NBEA: variants seen among roughly 807,000 people sequenced by gnomAD.
NBEA encodes the protein lysosomal-trafficking regulator 2.
NBEA carries 44 observed loss-of-function variants against 343.4 expected under a neutral mutation model. That is an observed-to-expected ratio of 0.13 (90% CI 0.10 to 0.16). The LOEUF is 0.16. Among genes scored for constraint, NBEA ranks in the 10% least tolerant of loss-of-function variants. NBEA has a pLI of 1.00. For synonymous variants in NBEA, 1,175 were observed against 1,238.7 expected (o/e 0.95, Z 1.08); for missense variants, 2,555 against 3,631.3 (o/e 0.70, Z 7.62).
intron 41 of NBEA, chr13:35,475,961 C>T: frequency 6.2e-7 from 1 of 1,614,186 alleles, no homozygotes; most frequent in Non-Finnish European, 8.5e-7. Context: ...TAGCGATTGT[C>T]CATCTCGTTG....
At chr13:35,607,068 C>T (rs1296951171) in intron 48 of NBEA, among the ~76,000 whole-genome samples, 2 of 152,008 alleles carry the variant, frequency 1.3e-5, no homozygotes, top group South Asian at 2.1e-4. Context: ...TTTTGTTTTA[C>T]AGACAGTGTT....
At chr13:34,947,033 C>G (rs1050532536) in intron 1 of NBEA, among the ~76,000 whole-genome samples, 1 of 151,556 alleles carries the variant, frequency 6.6e-6, no homozygotes, top group Non-Finnish European at 1.5e-5. Context: ...CATGGAGGTC[C>G]TTAATACTAA....
At chr13:35,222,363 C>G (rs1461085919) in intron 33 of NBEA, among the ~76,000 whole-genome samples, 1 of 151,692 alleles carries the variant, frequency 6.6e-6, no homozygotes, top group Non-Finnish European at 1.5e-5. Context: ...TAAAGCAGTT[C>G]TGCTTTTTAA....
At chr13:35,174,772 A>G (rs1379678652) in intron 27 of NBEA, among the ~76,000 whole-genome samples, 1 of 151,926 alleles carries the variant, frequency 6.6e-6, no homozygotes, top group Non-Finnish European at 1.5e-5. Flanking sequence ...TCTATGTGTT[A>G]TAGATCTTTG....
rs540241128 is a variant in NBEA at position 35,481,186 on chromosome 13, G to A, written c.6585+8650G>A. Among the ~76,000 whole-genome samples, 7 of 151,932 alleles carry A rather than the reference G, an allele frequency of 4.6e-5. No individual in the cohort carries two copies. The South Asian group carries it at 8.3e-4, about 18-fold the overall frequency. The stretch of plus-strand genomic sequence containing the variant: ...GTGAAGAGTACTTTTTTTCTCTACA[G>A]TGTTGCTTAATAAGCTTGATATTGG... On this transcript the variant is annotated intron_variant, in intron 41 of 58. Coordinates refer to ENST00000379939, the MANE Select transcript of NBEA (RefSeq NM_001385012.1).
intron 35 of NBEA, among the ~76,000 whole-genome samples, chr13:35,308,008 T>C (rs1276430917): frequency 6.6e-6 from 1 of 152,044 alleles, no homozygotes; most frequent in Non-Finnish European, 1.5e-5. Context: ...TATCCCCAAG[T>C]TACCATATCT....
At chr13:35,055,388 A>G (rs2063218091) in intron 6 of NBEA, among the ~76,000 whole-genome samples, 1 of 151,670 alleles carries the variant, frequency 6.6e-6, no homozygotes, top group African/African-American at 2.4e-5. Flanking sequence ...TTTATTCTTA[A>G]TAAATATTCC....
intron 10 of NBEA, among the ~76,000 whole-genome samples, chr13:35,094,008 A>AT (rs577643787): frequency 6.6e-6 from 1 of 151,880 alleles, no homozygotes; most frequent in East Asian, 1.9e-4. Flanking sequence ...ATTTATAATG[A>AT]TTTTTTTACA....
rs71081262 is a variant in NBEA, at chr13:35,539,915, C to CAAAAAAAAAAAAAAA, written c.6586-10549_6586-10535dup. On this transcript the variant is annotated intron_variant, in intron 41 of 58. Coordinates refer to ENST00000379939, the MANE Select transcript of NBEA (RefSeq NM_001385012.1). Reference sequence around the variant, plus strand: ...TGGGCGACAGAGCAAGACTCCGTCTCAAAAAAAAAAAAAAAAAAAAAAAAA... The same window carrying CAAAAAAAAAAAAAAA: ...TGGGCGACAGAGCAAGACTCCGTCTCAAAAAAAAAAAAAAAAAAAAAAAAAAAAAAAAAAAAAAAA... 1.6e-3 allele frequency among the ~76,000 whole-genome samples: 62 copies of CAAAAAAAAAAAAAAA among 39,608 alleles called. 4 individuals are homozygous for CAAAAAAAAAAAAAAA. The highest frequency in any genetic ancestry group is 2.1e-3 in the East Asian group (5 of 2,426). The allele number at this position is 39,608 out of a possible 152,430, so 26.0% of individuals were successfully genotyped here.
intron 1 of NBEA, among the ~76,000 whole-genome samples, chr13:34,950,484 A>C (rs1236288959): frequency 6.6e-6 from 1 of 151,804 alleles, no homozygotes; most frequent in East Asian, 1.9e-4. Flanking sequence ...CAATATTCTA[A>C]ATTAAAAAAT....
chr13:35,351,519 G>A (rs112990106), intron 37 of NBEA, among the ~76,000 whole-genome samples: 98 of 152,042 alleles, frequency 6.4e-4, no homozygotes, highest in African/African-American at 2.1e-3. Context: ...TATGGGAAAA[G>A]GAAGGTAAGA....
chr13:35,088,727 C>T (rs1348206065), intron 10 of NBEA, among the ~76,000 whole-genome samples: 3 of 151,570 alleles, frequency 2.0e-5, no homozygotes, highest in Non-Finnish European at 2.9e-5. Context: ...ATCAATGGAA[C>T]AGAACAGAGC....
chr13:35,122,820 A>G (rs1257839807), intron 16 of NBEA, among the ~76,000 whole-genome samples: 2 of 152,190 alleles, frequency 1.3e-5, no homozygotes, highest in East Asian at 1.9e-4. Context: ...TTCCTTCTGT[A>G]TGTTGACTAG....
At chr13:35,502,540 T>C (rs942918968) in intron 41 of NBEA, among the ~76,000 whole-genome samples, 1 of 151,920 alleles carries the variant, frequency 6.6e-6, no homozygotes, top group Non-Finnish European at 1.5e-5. Context: ...GTTTTTTCCA[T>C]GATTTATCTG....
At chr13:35,074,804 C>G (rs867505718) in intron 10 of NBEA, among the ~76,000 whole-genome samples, 2 of 151,904 alleles carry the variant, frequency 1.3e-5, no homozygotes, top group Non-Finnish European at 2.9e-5. Context: ...CACATAGTTA[C>G]CTATTTTTTG....
chr13:35,380,565 A>G (rs2041964811), intron 38 of NBEA, among the ~76,000 whole-genome samples: 1 of 152,152 alleles, frequency 6.6e-6, no homozygotes, highest in African/African-American at 2.4e-5. Flanking sequence ...AAAAAATATC[A>G]TTTTTAAAAT....
intron 1 of NBEA, among the ~76,000 whole-genome samples, chr13:35,011,774 G>A (rs2061500063): frequency 6.6e-6 from 1 of 152,034 alleles, no homozygotes; most frequent in Non-Finnish European, 1.5e-5. Flanking sequence ...ATTCATTTTA[G>A]GCTACTTGAT....
chr13:35,420,486 G>A (rs1302830091), intron 38 of NBEA, among the ~76,000 whole-genome samples: 1 of 151,458 alleles, frequency 6.6e-6, no homozygotes, highest in East Asian at 1.9e-4. Flanking sequence ...TTCTTTTTTT[G>A]TACTGTTTTT....
chr13:35,030,347 T>C (rs2062162464), intron 1 of NBEA, among the ~76,000 whole-genome samples: 1 of 151,658 alleles, frequency 6.6e-6, no homozygotes, highest in Non-Finnish European at 1.5e-5. Flanking sequence ...TTTCCTCATT[T>C]TACTCTTCAT....
Sources: gnomAD v4.1 joint callset for allele counts (sites outside exome capture counted in the v4.1 genomes callset) on GRCh38, gnomAD v4.1.1 for gene constraint, MANE v1.5 for transcripts, NCBI Gene and HGNC (gene_info 2026-07-23, HGNC 2026-07-21) for gene names.